The following ADAMTS6 variants were observed in gnomAD, a reference collection of about 807,000 sequenced individuals.
ADAMTS6 encodes ADAM metallopeptidase with thrombospondin type 1 motif 6.
In ADAMTS6, 23 loss-of-function variants were observed where a neutral mutation model predicts 144.3. The observed-to-expected ratio is 0.16, with a 90% CI of 0.11 to 0.23. The LOEUF (loss-of-function observed/expected upper bound fraction) is 0.23, where lower values mean the gene tolerates loss of function less well. Among genes scored for constraint, ADAMTS6 ranks in the 10% least tolerant of loss-of-function variants. The pLI, the probability that ADAMTS6 is intolerant of heterozygous loss-of-function variation, is 1.00. For synonymous variants in ADAMTS6, 444 were observed against 457.5 expected (o/e 0.97, Z 0.38); for missense variants, 999 against 1,379.6 (o/e 0.72, Z 4.37).
intron 7 of ADAMTS6, among the ~76,000 whole-genome samples, chr5:65,436,338 A>T (rs1252005421): frequency 6.6e-6 from 1 of 152,164 alleles, no homozygotes; most frequent in East Asian, 1.9e-4. Flanking sequence ...CAATTAAAGG[A>T]TTGAAGGCCA....
chr5:65,442,792 A>G (rs1052071892), intron 7 of ADAMTS6, among the ~76,000 whole-genome samples: 2 of 151,996 alleles, frequency 1.3e-5, no homozygotes, highest in African/African-American at 4.8e-5. Context: ...TATTAAGCCC[A>G]GCATGCATCA....
At chr5:65,466,668 T>G (rs944948300) in intron 3 of ADAMTS6, among the ~76,000 whole-genome samples, 2 of 152,176 alleles carry the variant, frequency 1.3e-5, no homozygotes, top group Non-Finnish European at 2.9e-5. Context: ...GAAAGTCTAA[T>G]GGGATCATTG....
At chr5:65,463,654 T>A (rs1205866266) in intron 3 of ADAMTS6, among the ~76,000 whole-genome samples, 1 of 152,178 alleles carries the variant, frequency 6.6e-6, no homozygotes, top group East Asian at 1.9e-4. Context: ...CTAATTCTCA[T>A]ATGATTATGT....
At chr5:65,300,537 C>G (rs530933510) in intron 9 of ADAMTS6, among the ~76,000 whole-genome samples, 42 of 152,332 alleles carry the variant, frequency 2.8e-4, no homozygotes, top group Non-Finnish European at 3.8e-4. Flanking sequence ...GTTCATCCTA[C>G]CTCACTATGC....
chr5:65,452,848 G>C lies in ADAMTS6; in HGVS notation c.702C>G (p.Asn234Lys). ...TCTGTCTGTGGTGGATATGTGTGTT[G>C]TTAATTGGTAGTGAATAAGAAACAG... is the stretch of plus-strand genomic sequence containing the variant. Reference protein sequence around the residue: ...TSTVSYSLPINNTHIHHRQKR... With the variant: ...TSTVSYSLPIKNTHIHHRQKR... Residue 234 changes from asparagine to lysine, a missense_variant, in exon 5 of 25, where the codon AAC becomes AAG. Physicochemically the swap from Asn to Lys is moderately conservative, Grantham distance 94 (BLOSUM62 0). This residue lies in a region of ADAMTS6 where 252 missense variants were observed against 293.7 expected (regional missense o/e 0.86). Coordinates refer to ENST00000381055, the MANE Select transcript of ADAMTS6 (RefSeq NM_197941.4). 1 of 1,614,046 alleles carries C rather than the reference G, an allele frequency of 6.2e-7. No individual in the cohort carries two copies. Among genetic ancestry groups the C allele is most frequent in the Non-Finnish European group, 8.5e-7 (1 of 1,179,946 alleles).
At chr5:65,438,032 CA>C (rs893224144) in intron 7 of ADAMTS6, among the ~76,000 whole-genome samples, 9 of 152,098 alleles carry the variant, frequency 5.9e-5, no homozygotes, top group Non-Finnish European at 1.3e-4. Flanking sequence ...ACTCAATTTT[CA>C]AAAATAGTTC....
intron 1 of ADAMTS6, among the ~76,000 whole-genome samples, chr5:65,475,992 T>C (rs185474028): frequency 1.1e-3 from 162 of 152,252 alleles, no homozygotes; most frequent in Non-Finnish European, 1.8e-3. Context: ...TTCTAACCAA[T>C]AGAATACCTC....
intron 9 of ADAMTS6, among the ~76,000 whole-genome samples, chr5:65,310,937 C>T (rs1744436701): frequency 6.6e-6 from 1 of 151,848 alleles, no homozygotes; most frequent in South Asian, 2.1e-4. Flanking sequence ...CTCATGAATG[C>T]AAGCGGGTTA....
At position 65,349,912 on chromosome 5, in the gene ADAMTS6, G is replaced by A. The variant is rs185524066; in HGVS notation, c.1074-15827C>T. Among the ~76,000 whole-genome samples, 23 of 151,100 alleles carry A rather than the reference G, an allele frequency of 1.5e-4. No homozygotes were observed. In the East Asian group the frequency reaches 4.1e-3, roughly 27 times the overall value. On this transcript the variant is annotated intron_variant, in intron 7 of 24. Coordinates refer to ENST00000381055, the MANE Select transcript of ADAMTS6 (RefSeq NM_197941.4). ...TCTATCCTTCTGATTTAATGGAGCA[G>A]CACACTACAGTGTCTTATAAACAGA...
chr5:65,324,484 A>T (rs1745974536), intron 9 of ADAMTS6, among the ~76,000 whole-genome samples: 1 of 151,990 alleles, frequency 6.6e-6, no homozygotes, highest in Non-Finnish European at 1.5e-5. Flanking sequence ...AAAAGTAAAC[A>T]GGAAGCAACA....
chr5:65,365,133 A>G (rs1438615380), intron 7 of ADAMTS6, among the ~76,000 whole-genome samples: 2 of 152,162 alleles, frequency 1.3e-5, no homozygotes, highest in East Asian at 3.9e-4. Context: ...TGTGGCAGAA[A>G]GACCACTGCA....
rs537189710 is a variant in ADAMTS6 at position 65,457,105 on chromosome 5, C to T, written c.631+3065G>A. Among the ~76,000 whole-genome samples the T allele has an allele frequency of 2.0e-5, 3 of 152,240 alleles. No homozygotes were observed. In the East Asian group the frequency reaches 5.8e-4, roughly 29 times the overall value. ...CTCAAATTTACTAGTAAACACAAAA[C>T]GTTTTTTTTCCCCAGTAACACTTGC... is the stretch of plus-strand genomic sequence containing the variant. On this transcript the variant is annotated intron_variant, in intron 4 of 24. Coordinates refer to ENST00000381055, the MANE Select transcript of ADAMTS6 (RefSeq NM_197941.4).
At chr5:65,408,905 T>A (rs1754809691) in intron 7 of ADAMTS6, among the ~76,000 whole-genome samples, 1 of 152,104 alleles carries the variant, frequency 6.6e-6, no homozygotes, top group African/African-American at 2.4e-5. Flanking sequence ...GACTACTGGG[T>A]ACATAACGAA....
chr5:65,373,002 T>C (rs1033843451), intron 7 of ADAMTS6, among the ~76,000 whole-genome samples: 5 of 152,248 alleles, frequency 3.3e-5, no homozygotes, highest in African/African-American at 7.2e-5. Context: ...TTCTCCTGAA[T>C]GACTACTGGG....
intron 24 of ADAMTS6, among the ~76,000 whole-genome samples, chr5:65,154,678 T>A (rs914200576): frequency 3.3e-5 from 5 of 152,190 alleles, no homozygotes; most frequent in African/African-American, 1.2e-4. Flanking sequence ...TATGATAAGG[T>A]CTGCTCATAG....
At chr5:65,294,104 C>T (rs750645835) in intron 10 of ADAMTS6, among the ~76,000 whole-genome samples, 1 of 152,188 alleles carries the variant, frequency 6.6e-6, no homozygotes, top group Non-Finnish European at 1.5e-5. Flanking sequence ...ATTGGTTGTA[C>T]ATTTCTACAC....
chr5:65,356,706 C>G (rs1176696304), intron 7 of ADAMTS6, among the ~76,000 whole-genome samples: 2 of 151,898 alleles, frequency 1.3e-5, no homozygotes. Context: ...TAATACCATA[C>G]TAACATTTAT....
intron 7 of ADAMTS6, among the ~76,000 whole-genome samples, chr5:65,393,318 A>G (rs1313915870): frequency 6.6e-6 from 1 of 152,210 alleles, no homozygotes; most frequent in Admixed American, 6.5e-5. Flanking sequence ...TATTGCAATC[A>G]TATTTCTTTA....
chr5:65,196,718 A>C (rs1755408296), intron 21 of ADAMTS6, among the ~76,000 whole-genome samples: 1 of 152,012 alleles, frequency 6.6e-6, no homozygotes, highest in African/African-American at 2.4e-5. Context: ...TCCTAATTTC[A>C]GAGATGCTAA....
Sources: gnomAD v4.1 joint callset for allele counts (sites outside exome capture counted in the v4.1 genomes callset) on GRCh38, gnomAD v4.1.1 for gene constraint, gnomAD v4.1.1 regional missense constraint, MANE v1.5 for transcripts, NCBI Gene and HGNC (gene_info 2026-07-23, HGNC 2026-07-21) for gene names.